Variants in RRP12 observed in about 807,000 individuals in gnomAD.
RRP12 encodes the protein RRP12-like protein.
RRP12 carries 78 observed loss-of-function variants against 157.3 expected under a neutral mutation model. The ratio of observed to expected loss-of-function variants is 0.50; its 90% CI spans 0.41 to 0.60. The LOEUF is 0.60. Ranked by LOEUF, RRP12 falls within the 20% of genes least tolerant of loss-of-function variation. The pLI, the probability that RRP12 is intolerant of heterozygous loss-of-function variation, is 0.00. For synonymous variants in RRP12, 726 were observed against 670.9 expected, an observed-to-expected ratio of 1.08 and a Z score of -1.27; for missense variants, 1,521 against 1,679.9, an observed-to-expected ratio of 0.91 and a Z score of 1.65.
intron 20 of RRP12, 96 bp from the exon 21 acceptor site, chr10:97,371,177 G>C: frequency 7.0e-6 from 9 of 1,286,238 alleles, no homozygotes; most frequent in Non-Finnish European, 6.5e-6. Context: ...TTCTGAGCAG[G>C]GGTCCGTGGG....
chr10:97,361,114 A>T (rs915533342), intron 30 of RRP12, among the ~76,000 whole-genome samples: 4 of 152,200 alleles, frequency 2.6e-5, no homozygotes, highest in African/African-American at 9.7e-5. Flanking sequence ...CCTGTGCTCC[A>T]CGGGCTCTCA....
chr10:97,373,037 G>T lies in RRP12; in HGVS notation c.2181+9C>A, dbSNP rs371692236. ...CCTCCTCCCTCCTTCCCTCCCTTCCGTGGCTCACCTGAGTGTCAGTGATGG... is the reference window on the plus strand; with the variant it reads ...CCTCCTCCCTCCTTCCCTCCCTTCCTTGGCTCACCTGAGTGTCAGTGATGG... On this transcript the variant is annotated intron_variant, in intron 18 of 33. Coordinates refer to ENST00000370992, the MANE Select transcript of RRP12 (RefSeq NM_015179.4). 3 of 1,604,292 alleles carry T rather than the reference G, an allele frequency of 1.9e-6. No individual in the cohort carries two copies. In the South Asian group the frequency reaches 3.3e-5, roughly 18 times the overall value.
chr10:97,371,129 C>T (rs375454140), intron 20 of RRP12, 48 bp from the exon 21 acceptor site: 1 of 1,587,490 alleles, frequency 6.3e-7, no homozygotes, highest in African/African-American at 1.3e-5. Flanking sequence ...ACTCCCTGTC[C>T]AATGCTATCC....
chr10:97,398,855 T>C (rs973186592), intron 2 of RRP12, among the ~76,000 whole-genome samples: 1 of 152,144 alleles, frequency 6.6e-6, no homozygotes, highest in Admixed American at 6.6e-5. Flanking sequence ...TAGGGGTATA[T>C]GGGTAAATTA....
At chr10:97,359,483 T>A (rs1843789299) in intron 31 of RRP12, among the ~76,000 whole-genome samples, 1 of 152,218 alleles carries the variant, frequency 6.6e-6, no homozygotes, top group African/African-American at 2.4e-5. Context: ...GGTAGCTATT[T>A]AACCCATTGT....
At chr10:97,395,223 C>T (rs993994651) in intron 3 of RRP12, among the ~76,000 whole-genome samples, 1 of 151,868 alleles carries the variant, frequency 6.6e-6, no homozygotes, top group Non-Finnish European at 1.5e-5. Flanking sequence ...CACACACACA[C>T]ATACATACAT....
At chr10:97,387,836 G>A (rs990159568) in intron 8 of RRP12, among the ~76,000 whole-genome samples, 2 of 150,940 alleles carry the variant, frequency 1.3e-5, no homozygotes, top group Non-Finnish European at 2.9e-5. Context: ...CAGCTACTTG[G>A]GAGGCTGAGG....
chr10:97,357,126 G>T lies in RRP12; in HGVS notation c.3862C>A (p.His1288Asn). 1 of 1,613,138 alleles carries T rather than the reference G, an allele frequency of 6.2e-7. No individual in the cohort carries two copies. Among genetic ancestry groups the T allele is most frequent in the South Asian group, 1.1e-5 (1 of 91,018 alleles). ...KAARRGSQVG[H>N]KNRRKDRRP ...CGACGATCCTTTCTGCGGTTTTTGTGTCCCACCTGGGAACCTCGCCGGGCA... is the reference window on the plus strand; with the variant it reads ...CGACGATCCTTTCTGCGGTTTTTGTTTCCCACCTGGGAACCTCGCCGGGCA... Residue 1288 changes from histidine to asparagine, a missense_variant, in exon 34 of 34, where the codon CAC becomes AAC. By Grantham distance (68) the His-to-Asn change is moderately conservative. Transcript: ENST00000370992.
Position 97,366,799 on chromosome 10 carries a change from A to C in RRP12, c.3158T>G (p.Val1053Gly), listed in dbSNP as rs760377346. Residue 1053 changes from valine to glycine, a missense_variant, in exon 27 of 34, where the codon GTG becomes GGG. By Grantham distance (109) the Val-to-Gly change is moderately radical. Transcript: ENST00000370992. ...CTCCTCCTCCTCTTCTTCCTCCTCC[A>C]CGGCAGCCTGGCTCAGGGCTCGGTG... is the stretch of plus-strand genomic sequence containing the variant. Reference protein sequence around the residue: ...KRHRALSQAAVEEEEEEEEEE... With the variant: ...KRHRALSQAAGEEEEEEEEEE... The C allele has an allele frequency of 6.2e-7, 1 of 1,613,404 alleles. No individual in the cohort carries two copies. The highest frequency in any genetic ancestry group is 1.3e-5 in the African/African-American group (1 of 74,860).
chr10:97,358,965 G>A lies in RRP12; in HGVS notation c.3686C>T (p.Pro1229Leu), dbSNP rs1184012330. The A allele has an allele frequency of 6.2e-7, 1 of 1,613,814 alleles. No homozygotes were observed. Among genetic ancestry groups the A allele is most frequent in the East Asian group, 2.2e-5 (1 of 44,870 alleles). Reference protein sequence around the residue: ...IHRPVAKKAMPGAEYKAKKAK... With the variant: ...IHRPVAKKAMLGAEYKAKKAK... ...TACCTTGGCCTTGTATTCAGCCCCA[G>A]GCATAGCCTTCTTGGCCACAGGGCG... The change falls in exon 32 of 34, where the codon CCT becomes CTT. Residue 1229 changes from proline to leucine, a missense_variant. Transcript: ENST00000370992.
In RRP12 at chr10:97,370,756, G is replaced by A. The variant is rs754064680; in HGVS notation, c.2543C>T (p.Ser848Leu). ...KCLLHIVRKL[S>L]AEHKEFITAL... is the part of the protein sequence containing the mutation. ...AGTGATGAACTCCTTGTGTTCAGCT[G>A]AGAGCTTCCTCACGATGTGTAGGAG... is the stretch of plus-strand genomic sequence containing the variant. The change falls in exon 22 of 34, where the codon TCA becomes TTA. Residue 848 changes from serine (S) to leucine (L), a missense_variant. Physicochemically the swap from Ser to Leu is moderately radical, Grantham distance 145. Coordinates refer to ENST00000370992, the MANE Select transcript of RRP12 (RefSeq NM_015179.4). 3.3e-5 allele frequency: 54 copies of A among 1,614,020 alleles called. No homozygotes were observed. Among genetic ancestry groups the A allele is most frequent in the Non-Finnish European group, 4.2e-5 (50 of 1,180,022 alleles).
At chr10:97,386,504 T>C (rs996070345) in intron 8 of RRP12, among the ~76,000 whole-genome samples, 1 of 152,156 alleles carries the variant, frequency 6.6e-6, no homozygotes. Context: ...ATCATGTATA[T>C]TTGTTTATCC....
intron 15 of RRP12, among the ~76,000 whole-genome samples, chr10:97,376,361 C>T (rs890975588): frequency 4.6e-5 from 7 of 151,342 alleles, no homozygotes; most frequent in African/African-American, 1.2e-4. Context: ...ATTACAGGTG[C>T]GTGCCACCAT....
intron 3 of RRP12, 131 bp from the exon 4 acceptor site, chr10:97,393,891 A>C (rs1440262554): frequency 5.6e-5 from 38 of 672,848 alleles, no homozygotes; most frequent in Non-Finnish European, 8.9e-5. Flanking sequence ...TCAGATCCTG[A>C]CTCTGGCATT....
Position 97,385,899 on chromosome 10 carries a change from ATGATC to A in RRP12, c.1107_1111del (p.Gln369HisfsTer11). On this transcript the variant is annotated frameshift_variant, in exon 9 of 34. Coordinates refer to ENST00000370992, the MANE Select transcript of RRP12 (RefSeq NM_015179.4). LOFTEE classifies it high-confidence loss of function. ...CATCCCACCAACAGGCCTCACCGTG[ATGATC>A]TGGGCGTTGAGCTCTGCTGACAGGG... is the stretch of plus-strand genomic sequence containing the variant. 6.2e-7 allele frequency: 1 copy of A among 1,600,880 alleles called. No individual in the cohort carries two copies. Among genetic ancestry groups the A allele is most frequent in the Non-Finnish European group, 8.5e-7 (1 of 1,173,188 alleles).
At chr10:97,376,271 G>A (rs1055046689) in intron 15 of RRP12, among the ~76,000 whole-genome samples, 1 of 139,334 alleles carries the variant, frequency 7.2e-6, no homozygotes, top group Non-Finnish European at 1.5e-5. Flanking sequence ...CTGGAGTGCA[G>A]TGGTGTCATC....
intron 32 of RRP12, 146 bp downstream of exon 32, chr10:97,358,797 T>C: frequency 1.2e-6 from 1 of 802,242 alleles, no homozygotes; most frequent in African/African-American, 1.7e-5. Context: ...CACAAGGTCT[T>C]AGCATCTGAA....
intron 8 of RRP12, among the ~76,000 whole-genome samples, chr10:97,386,313 C>T (rs936843739): frequency 2.9e-5 from 4 of 138,720 alleles, no homozygotes; most frequent in South Asian, 4.5e-4. Flanking sequence ...TTGCTGGATA[C>T]AGGGGTGAGA....
At chr10:97,385,387 C>G in intron 9 of RRP12, 130 bp from the exon 10 acceptor site, 1 of 706,686 alleles carries the variant, frequency 1.4e-6, no homozygotes, top group South Asian at 1.8e-5. Flanking sequence ...TCACAGCCCC[C>G]TTGGCTTTCC....
Sources: gnomAD v4.1 joint callset for allele counts (sites outside exome capture counted in the v4.1 genomes callset) on GRCh38, gnomAD v4.1.1 for gene constraint, MANE v1.5 for transcripts, NCBI Gene and HGNC (gene_info 2026-07-23, HGNC 2026-07-21) for gene names.